BFAR: variants seen among roughly 807,000 people sequenced by gnomAD.
The protein encoded by BFAR is RING finger protein 47.
Under a neutral mutation model 54.4 loss-of-function variants are expected in BFAR, and 52 were observed. The ratio of observed to expected loss-of-function variants is 0.96; its 90% CI spans 0.77 to 1.21. The LOEUF (loss-of-function observed/expected upper bound fraction) is 1.21. Ranked by LOEUF, BFAR falls within the 50% of genes most tolerant of loss-of-function variation. BFAR has a pLI of 0.00. For missense variants in BFAR, 571 were observed against 534.0 expected, an observed-to-expected ratio of 1.07 and a Z score of -0.68; for synonymous variants, 215 against 204.3, an observed-to-expected ratio of 1.05 and a Z score of -0.45.
Position 14,647,720 on chromosome 16 carries a change from T to G in BFAR, c.264-668T>G, listed in dbSNP as rs573174160. Among the ~76,000 whole-genome samples, 39 of 152,020 alleles carry G rather than the reference T, an allele frequency of 2.6e-4. 1 individual carries two copies. The South Asian group carries it at 6.3e-3, about 24-fold the overall frequency. On this transcript the variant is annotated intron_variant, in intron 2 of 7. Transcript: ENST00000261658. ...AGTGCCAATAGAAAATGCAAGTATT[T>G]TCTCACATCATTGATGTGCTCTCTG...
chr16:14,641,025 A>G (rs745415142), intron 1 of BFAR, among the ~76,000 whole-genome samples: 2 of 152,352 alleles, frequency 1.3e-5, no homozygotes, highest in South Asian at 2.1e-4. Flanking sequence ...TAAGGTGTTC[A>G]GTCTATGGTT....
At chr16:14,660,341 C>A (rs1222701184) in intron 5 of BFAR, among the ~76,000 whole-genome samples, 1 of 152,056 alleles carries the variant, frequency 6.6e-6, no homozygotes, top group Non-Finnish European at 1.5e-5. Context: ...CGCTGGATTT[C>A]AATGGCAAGA....
At chr16:14,636,766 C>T (rs1007050123) in intron 1 of BFAR, among the ~76,000 whole-genome samples, 1 of 152,206 alleles carries the variant, frequency 6.6e-6, no homozygotes, top group Non-Finnish European at 1.5e-5. Context: ...GGGGAGAAAC[C>T]TTAGACAATA....
At chr16:14,649,670 C>T in intron 3 of BFAR, 134 bp from the exon 4 acceptor site, 1 of 733,546 alleles carries the variant, frequency 1.4e-6, no homozygotes, top group South Asian at 2.6e-5. Context: ...GCTTTTGTTG[C>T]CCTGCTTCTG....
At chr16:14,647,763 C>G (rs903115992) in intron 2 of BFAR, among the ~76,000 whole-genome samples, 1 of 151,824 alleles carries the variant, frequency 6.6e-6, no homozygotes, top group African/African-American at 2.4e-5. Flanking sequence ...CTGCAGTTTA[C>G]TATTTTAAAT....
At chr16:14,662,247 G>C (rs570292962) in intron 6 of BFAR, among the ~76,000 whole-genome samples, 182 bp downstream of exon 6, 1 of 152,214 alleles carries the variant, frequency 6.6e-6, no homozygotes, top group South Asian at 2.1e-4. Context: ...CTTCTGACCT[G>C]TTCATATCAA....
At chr16:14,651,034 G>A (rs779032943) in intron 4 of BFAR, among the ~76,000 whole-genome samples, 8 of 152,176 alleles carry the variant, frequency 5.3e-5, no homozygotes, top group Non-Finnish European at 1.0e-4. Context: ...AGACTTTTGT[G>A]ACCAAATATG....
At position 14,648,539 on chromosome 16, in the gene BFAR, C is replaced by T; in HGVS notation, c.415C>T (p.Gln139Ter). The T allele has an allele frequency of 6.2e-7, 1 of 1,614,016 alleles. No homozygotes were observed. Among genetic ancestry groups the T allele is most frequent in the Non-Finnish European group, 8.5e-7 (1 of 1,179,974 alleles). The change falls in exon 3 of 8, where the codon CAG becomes TAG. Residue 139 changes from glutamine to a stop codon, truncating the protein, a stop_gained. Coordinates refer to ENST00000261658, the MANE Select transcript of BFAR (RefSeq NM_016561.3). LOFTEE classifies it high-confidence loss of function. ...LAPNTGRANQ[Q>*]MGGGFFSGVL... ...TCCTAACACAGGCCGAGCGAATCAG[C>T]AGATGGGAGGGGGATTCTTTTCCGG... is the stretch of plus-strand genomic sequence containing the variant.
intron 4 of BFAR, among the ~76,000 whole-genome samples, chr16:14,651,108 C>T (rs978454773): frequency 2.0e-5 from 3 of 152,194 alleles, no homozygotes; most frequent in Admixed American, 1.3e-4. Flanking sequence ...TCAGTTCCCA[C>T]ACTGTCTACC....
At chr16:14,647,524 T>C (rs967608437) in intron 2 of BFAR, among the ~76,000 whole-genome samples, 19 of 151,888 alleles carry the variant, frequency 1.3e-4, no homozygotes, top group African/African-American at 4.3e-4. Context: ...TGACCAAAAA[T>C]ACAAAAATTA....
chr16:14,661,936 G>A lies in BFAR; in HGVS notation c.828G>A (p.Lys276=). ...CCCTGTTCCTGCTATACGCCCTCAA[G>A]AGCTCCCCCAGGCTGAGTCTGCTCT... ...GRSLFLLYAL[K]SSPRLSLLYL... Residue 276 remains lysine, a synonymous_variant, in exon 6 of 8, where the codon AAG becomes AAA. Coordinates refer to ENST00000261658, the MANE Select transcript of BFAR (RefSeq NM_016561.3). 9 of 1,614,100 alleles carry A rather than the reference G, an allele frequency of 5.6e-6. No individual in the cohort carries two copies. The highest frequency in any genetic ancestry group is 7.6e-6 in the Non-Finnish European group (9 of 1,180,036).
At chr16:14,661,045 G>A (rs1048968975) in intron 5 of BFAR, among the ~76,000 whole-genome samples, 2 of 152,020 alleles carry the variant, frequency 1.3e-5, no homozygotes, top group African/African-American at 4.8e-5. Flanking sequence ...AATCTATTCA[G>A]TTACTTTTAT....
In BFAR at chr16:14,638,289, GGGAGGATCACT is replaced by G. The variant is rs1199577623; in HGVS notation, c.-74+5276_-74+5286del. Among the ~76,000 whole-genome samples the G allele has an allele frequency of 3.9e-5, 6 of 152,204 alleles. No homozygotes were observed. The South Asian group carries it at 1.0e-3, about 26-fold the overall frequency. On this transcript the variant is annotated intron_variant, in intron 1 of 7. Transcript: ENST00000261658. ...TCCCAGCTACTTGGGAGGCTGAGGTGGGAGGATCACTGGAGCCCGAAAGTTCAAGCCCACAG... is the reference window on the plus strand; with the variant it reads ...TCCCAGCTACTTGGGAGGCTGAGGTGGGAGCCCGAAAGTTCAAGCCCACAG...
intron 5 of BFAR, among the ~76,000 whole-genome samples, 169 bp downstream of exon 5, chr16:14,655,379 T>TGGCGCAATCTCAGCTCAGTGCAAC (rs1162509465): frequency 6.6e-6 from 1 of 151,708 alleles, no homozygotes; most frequent in Non-Finnish European, 1.5e-5. Context: ...TGGAGTGCAA[T>TGGCGCAATCTCAGCTCAGTGCAAC]GGCGCAATCT....
chr16:14,637,436 C>G (rs1269691313), intron 1 of BFAR, among the ~76,000 whole-genome samples: 2 of 152,054 alleles, frequency 1.3e-5, no homozygotes, highest in East Asian at 3.9e-4. Flanking sequence ...ATGGCTCTGC[C>G]CTTTACTAGT....
chr16:14,637,277 T>C (rs1327033349), intron 1 of BFAR, among the ~76,000 whole-genome samples: 1 of 152,162 alleles, frequency 6.6e-6, no homozygotes, highest in Non-Finnish European at 1.5e-5. Context: ...AAGGAGTAAA[T>C]CAGTCCTTTG....
At position 14,652,286 on chromosome 16, in the gene BFAR, AT is replaced by A. The variant is rs746663457; in HGVS notation, c.638+2324del. Among the ~76,000 whole-genome samples the A allele has an allele frequency of 1.2e-3, 177 of 142,116 alleles. 2 individuals are homozygous for A. In the East Asian group the frequency reaches 0.016, roughly 13 times the overall value. The allele number at this position is 142,116 out of a possible 152,430, so 93.2% of individuals were successfully genotyped here. ...TAACACCACATTAATATATATTTTT[AT>A]TTTTTTTTTTGAGATGGAGTCTTAC... On this transcript the variant is annotated intron_variant, in intron 4 of 7. Coordinates refer to ENST00000261658, the MANE Select transcript of BFAR (RefSeq NM_016561.3).
chr16:14,666,558 C>T (rs1050251616), intron 7 of BFAR, among the ~76,000 whole-genome samples: 5 of 151,972 alleles, frequency 3.3e-5, no homozygotes, highest in Non-Finnish European at 7.4e-5. Flanking sequence ...GGCGACAAAA[C>T]GAGAGTCCAT....
intron 6 of BFAR, among the ~76,000 whole-genome samples, chr16:14,662,913 C>CT (rs796797322): frequency 1.3e-5 from 2 of 152,236 alleles, no homozygotes; most frequent in South Asian, 2.1e-4. Context: ...GCTCACAACT[C>CT]TAAGGGAGTC....
Sources: gnomAD v4.1 joint callset for allele counts (sites outside exome capture counted in the v4.1 genomes callset) on GRCh38, gnomAD v4.1.1 for gene constraint, MANE v1.5 for transcripts, NCBI Gene and HGNC (gene_info 2026-07-23, HGNC 2026-07-21) for gene names.